Variants in MYO1F observed in about 807,000 individuals in gnomAD.
MYO1F encodes the protein myosin IF.
MYO1F carries 60 observed loss-of-function variants against 146.6 expected under a neutral mutation model. The observed-to-expected ratio is 0.41, with a 90% CI of 0.33 to 0.51. MYO1F has a LOEUF of 0.51. MYO1F is among the 20% of genes least tolerant of loss of function. The pLI is 0.25. For missense variants in MYO1F, 1,274 were observed against 1,534.3 expected (o/e 0.83, Z 2.83); for synonymous variants, 602 against 602.1 (o/e 1.00, Z 0.00).
chr19:8,551,789 G>C lies in MYO1F; in HGVS notation c.722C>G (p.Thr241Ser). Residue 241 changes from threonine (T) to serine (S), a missense_variant, in exon 8 of 28, where the codon ACC (threonine) becomes AGC (serine). By Grantham distance (58) the Thr-to-Ser change is moderately conservative. Around this residue, in one of 2 missense-constraint regions of MYO1F, gnomAD observed 900 missense variants for 1,155.1 expected, o/e 0.78. Coordinates refer to ENST00000644032, the MANE Select transcript of MYO1F (RefSeq NM_012335.4). ...GTCGTCCGTGCCGTCCACCTGGTAG[G>C]TGTCCGATTGGTTGAGGTAGTAATA... ...DYYYYLNQSD[T>S]YQVDGTDDRS... 6.2e-7 allele frequency: 1 copy of C among 1,614,158 alleles called. No homozygotes were observed. The highest frequency in any genetic ancestry group is 8.5e-7 in the Non-Finnish European group (1 of 1,180,036).
At chr19:8,574,572 TTTCTTTCTCTCTCTCTCTCTCTC>T in intron 1 of MYO1F, among the ~76,000 whole-genome samples, 1 of 86,414 alleles carries the variant, frequency 1.2e-5, no homozygotes, top group Admixed American at 1.1e-4. Flanking sequence ...TCTTTCTTTC[TTTCTTTCTCTCTCTCTCTCTCTC>T]TCTTTCTTTC....
chr19:8,521,540 C>A lies in MYO1F; in HGVS notation c.3285G>T (p.Val1095=), dbSNP rs1369040844. The A allele has an allele frequency of 3.1e-6, 5 of 1,614,046 alleles. No homozygotes were observed. The highest frequency in any genetic ancestry group is 4.2e-6 in the Non-Finnish European group (5 of 1,180,038). ...GQEGLFPGNY[V]EKI ...CCCAGGGCCCAGCTCAGATCTTCTC[C>A]ACGTAGTTTCCTGGGAAAAGGCCCT... is the stretch of plus-strand genomic sequence containing the variant. Residue 1095 remains valine, a synonymous_variant, in exon 28 of 28, where the codon GTG becomes GTT. Coordinates refer to ENST00000644032, the MANE Select transcript of MYO1F (RefSeq NM_012335.4).
Position 8,567,985 on chromosome 19 carries a change from G to A in MYO1F, c.3+9322C>T, listed in dbSNP as rs183949099. Reference sequence around the variant, plus strand: ...GCCCATCAGCCCTCCTGGCTCTCCCGGCTCTGACGACTTGGTTCCTCTTCC... The same window carrying A: ...GCCCATCAGCCCTCCTGGCTCTCCCAGCTCTGACGACTTGGTTCCTCTTCC... On this transcript the variant is annotated intron_variant, in intron 1 of 27. Coordinates refer to ENST00000644032, the MANE Select transcript of MYO1F (RefSeq NM_012335.4). 1.1e-3 allele frequency among the ~76,000 whole-genome samples: 170 copies of A among 152,280 alleles called. 1 individual carries two copies. The highest frequency in any genetic ancestry group is 3.7e-3 in the African/African-American group (152 of 41,580).
chr19:8,553,920 T>TCTCTCTCG (rs1329711097), intron 4 of MYO1F, among the ~76,000 whole-genome samples: 1 of 147,866 alleles, frequency 6.8e-6, no homozygotes, highest in East Asian at 2.0e-4. Flanking sequence ...TCTCTCTCTC[T>TCTCTCTCG]CTCGCTCTCT....
intron 24 of MYO1F, 32 bp downstream of exon 24, chr19:8,526,421 G>A (rs1187088976): frequency 2.6e-6 from 4 of 1,548,510 alleles, no homozygotes; most frequent in Non-Finnish European, 2.6e-6. Context: ...CGCTGGCCCC[G>A]CCCCCTCTGC....
chr19:8,552,293 C>G (rs913886672), intron 6 of MYO1F, 129 bp from the exon 7 acceptor site: 1 of 1,035,044 alleles, frequency 9.7e-7, no homozygotes, highest in African/African-American at 1.6e-5. Context: ...GAATCTGACT[C>G]TGTTGCTCAG....
At chr19:8,543,517 G>T (rs1599952677) in intron 14 of MYO1F, among the ~76,000 whole-genome samples, 1 of 151,942 alleles carries the variant, frequency 6.6e-6, no homozygotes, top group Admixed American at 6.6e-5. Context: ...AGGCAGTCTG[G>T]TACCCAAGCT....
Position 8,577,163 on chromosome 19 carries a change from C to G in MYO1F, c.3+144G>C, listed in dbSNP as rs1285518184. 3 of 956,970 alleles carry G rather than the reference C, an allele frequency of 3.1e-6. No individual in the cohort carries two copies. The South Asian group carries it at 4.2e-5, about 13-fold the overall frequency. The allele number at this position is 956,970 out of a possible 1,614,324, so 59.3% of individuals were successfully genotyped here. A position where few individuals can be genotyped will look rare whatever the true frequency, so the allele number is the denominator to read the frequency against. ...GTAAGGGATGCTGGAGGCACCTGAG[C>G]TGCACTGAGAGACACCCCACCCCCA... On this transcript the variant is annotated intron_variant, in intron 1 of 27. Coordinates refer to ENST00000644032, the MANE Select transcript of MYO1F (RefSeq NM_012335.4). This position sits in a 1 kb window ranked among gnomAD's most constrained non-coding sequence, Gnocchi z 4.3.
chr19:8,553,892 A>ACTCTCTCTCTCTCTCTCTCT (rs569819927), intron 4 of MYO1F, among the ~76,000 whole-genome samples: 332 of 105,140 alleles, frequency 3.2e-3, no homozygotes, highest in Non-Finnish European at 4.4e-3. Context: ...ACACACACAC[A>ACTCTCTCTCTCTCTCTCTCT]CACTCTCTCT....
At chr19:8,543,559 G>A (rs568478426) in intron 14 of MYO1F, among the ~76,000 whole-genome samples, 2 of 152,196 alleles carry the variant, frequency 1.3e-5, no homozygotes, top group South Asian at 2.1e-4. Flanking sequence ...TGTTCCCTCT[G>A]TTAGGGGAGT....
rs777571005 is a variant in MYO1F, at chr19:8,522,401, C to T, written c.3196G>A (p.Glu1066Lys). 4 of 1,614,148 alleles carry T rather than the reference C, an allele frequency of 2.5e-6. No individual in the cohort carries two copies. Among genetic ancestry groups the T allele is most frequent in the South Asian group, 1.1e-5 (1 of 91,086 alleles). Residue 1066 changes from glutamate to lysine, a missense_variant, in exon 27 of 28, where the codon GAG (glutamate) becomes AAG (lysine). Glu to Lys is a moderately conservative substitution (Grantham distance 56). Coordinates refer to ENST00000644032, the MANE Select transcript of MYO1F (RefSeq NM_012335.4). The part of the protein sequence containing the change: ...DVDELSFNVN[E>K]VIEILMEDPS... ...CCTTCCATGAGGATCTCAATGACCT[C>T]GTTCACGTTGAAGCTCAGCTCGTCC...
chr19:8,521,845 G>A (rs1972070857), intron 27 of MYO1F, among the ~76,000 whole-genome samples: 1 of 151,900 alleles, frequency 6.6e-6, no homozygotes, highest in Admixed American at 6.6e-5. Flanking sequence ...TGTAGAGATG[G>A]GGTCTTGCTA....
intron 14 of MYO1F, among the ~76,000 whole-genome samples, chr19:8,543,801 C>G (rs60648462): frequency 1.8e-3 from 20 of 10,912 alleles, no homozygotes; most frequent in African/African-American, 2.8e-3. Context: ...GGTGGTGGTG[C>G]TGGTGGTGCT....
intron 4 of MYO1F, among the ~76,000 whole-genome samples, chr19:8,554,077 G>T (rs905244831): frequency 6.6e-6 from 1 of 151,906 alleles, no homozygotes; most frequent in East Asian, 1.9e-4. Context: ...TCCCTCCTCA[G>T]CCTCTTGAGT....
intron 19 of MYO1F, among the ~76,000 whole-genome samples, chr19:8,534,595 C>T (rs1390269558): frequency 4.0e-5 from 6 of 151,498 alleles, no homozygotes; most frequent in Middle Eastern, 3.5e-3. Flanking sequence ...TGTGAGCCAC[C>T]GTGCCTGGCC....
chr19:8,522,325 G>A (rs1972093869), intron 27 of MYO1F, 52 bp downstream of exon 27: 13 of 1,611,480 alleles, frequency 8.1e-6, no homozygotes, highest in Non-Finnish European at 1.1e-5. Flanking sequence ...CCCGGCCGAT[G>A]TCAGGGTTCT....
At chr19:8,571,928 T>G (rs1327994146) in intron 1 of MYO1F, among the ~76,000 whole-genome samples, 1 of 152,082 alleles carries the variant, frequency 6.6e-6, no homozygotes, top group African/African-American at 2.4e-5. Flanking sequence ...TTTCACTGTG[T>G]TAGCCAGGAT....
intron 7 of MYO1F, 79 bp downstream of exon 7, chr19:8,551,954 C>T (rs2145917732): frequency 6.2e-7 from 1 of 1,613,888 alleles, no homozygotes; most frequent in Non-Finnish European, 8.5e-7. Context: ...TGCCATGCCC[C>T]CCTAGGTGTT....
chr19:8,574,404 G>A (rs549753168), intron 1 of MYO1F, among the ~76,000 whole-genome samples: 38 of 152,312 alleles, frequency 2.5e-4, no homozygotes, highest in Non-Finnish European at 4.3e-4. Context: ...TATGTGCTCT[G>A]TAAAGCAATG....
Sources: allele counts gnomAD v4.1 joint callset (sites outside exome capture counted in the v4.1 genomes callset), GRCh38; gene constraint gnomAD v4.1.1; regional missense constraint gnomAD v4.1.1; non-coding constraint Gnocchi (gnomAD v3.1); transcripts MANE v1.5; gene names NCBI Gene and HGNC (gene_info 2026-07-23, HGNC 2026-07-21).